The following EYS variants were observed in gnomAD, a reference collection of about 807,000 sequenced individuals.
The protein encoded by EYS is EGF-like photoreceptor maintenance factor.
Under a neutral mutation model 282.1 loss-of-function variants are expected in EYS, and 250 were observed. That is an observed-to-expected ratio of 0.89 (90% confidence interval 0.80 to 0.98). The LOEUF (loss-of-function observed/expected upper bound fraction) is 0.98, where lower values mean the gene tolerates loss of function less well. Ranked by LOEUF, EYS falls within the 50% of genes least tolerant of loss-of-function variation. EYS has a pLI of 0.00. For synonymous variants in EYS, 1,355 were observed against 1,282.9 expected (o/e 1.06, Z -1.20); for missense variants, 4,016 against 3,709.0 (o/e 1.08, Z -2.15).
At chr6:65,624,368 T>C (rs559802181) in intron 2 of EYS, among the ~76,000 whole-genome samples, 2 of 152,262 alleles carry the variant, frequency 1.3e-5, no homozygotes, top group East Asian at 3.9e-4. Flanking sequence ...GCAGAGGTGA[T>C]GAAGGGTATG....
At chr6:64,376,951 C>T (rs1378587521) in intron 29 of EYS, among the ~76,000 whole-genome samples, 2 of 151,950 alleles carry the variant, frequency 1.3e-5, no homozygotes, top group African/African-American at 4.8e-5. Flanking sequence ...AAACACTGAC[C>T]CTGAGAAGGC....
chr6:64,108,160 G>T (rs1421784103), intron 31 of EYS, among the ~76,000 whole-genome samples: 2 of 152,108 alleles, frequency 1.3e-5, no homozygotes, highest in Non-Finnish European at 2.9e-5. Flanking sequence ...GGGTTACTGA[G>T]GGGAAACTCA....
At chr6:65,524,878 A>G (rs1767498870) in intron 2 of EYS, among the ~76,000 whole-genome samples, 1 of 152,186 alleles carries the variant, frequency 6.6e-6, no homozygotes, top group Admixed American at 6.5e-5. Context: ...TTGCCATCAG[A>G]AAGCTGGCTG....
chr6:64,494,401 C>A (rs1439483147), intron 26 of EYS, among the ~76,000 whole-genome samples: 1 of 151,440 alleles, frequency 6.6e-6, no homozygotes, highest in African/African-American at 2.4e-5. Context: ...CCTGATTTTC[C>A]AGGCAAAATG....
intron 19 of EYS, among the ~76,000 whole-genome samples, chr6:64,869,112 T>C (rs1437141510): frequency 2.0e-5 from 3 of 151,634 alleles, no homozygotes; most frequent in South Asian, 4.1e-4. Context: ...TCATTTTATA[T>C]TTTATATGAA....
intron 12 of EYS, among the ~76,000 whole-genome samples, chr6:65,140,073 T>G (rs1331503608): frequency 6.6e-6 from 1 of 152,098 alleles, no homozygotes; most frequent in African/African-American, 2.4e-5. Flanking sequence ...TGACAGATTT[T>G]GTAATGATCT....
intron 22 of EYS, among the ~76,000 whole-genome samples, chr6:64,640,069 G>A (rs1025172838): frequency 1.4e-5 from 2 of 143,166 alleles, no homozygotes; most frequent in African/African-American, 5.2e-5. Flanking sequence ...GGAAACAACA[G>A]GTGCTAGAGA....
chr6:64,675,635 G>A (rs148190689), intron 22 of EYS, among the ~76,000 whole-genome samples: 2,253 of 151,570 alleles, frequency 0.015, 51 homozygotes, highest in African/African-American at 0.053. Context: ...TCACCATGTT[G>A]GCTAGGCTGA....
chr6:64,230,670 C>T lies in EYS; in HGVS notation c.6346G>A (p.Ala2116Thr). 1 of 1,551,574 alleles carries T rather than the reference C, an allele frequency of 6.4e-7. No homozygotes were observed. The highest frequency in any genetic ancestry group is 1.2e-5 in the South Asian group (1 of 84,054). ...DVCHNGGTCH[A>T]IFLSSGIVSF... Reference sequence around the variant, plus strand: ...ACTATGCCACTGGAGAGGAAGATGGCATGGCATGTGCCTCCATTGTGGCAT... The same window carrying T: ...ACTATGCCACTGGAGAGGAAGATGGTATGGCATGTGCCTCCATTGTGGCAT... The change falls in exon 31 of 43, where the codon GCC (alanine) becomes ACC (threonine). Residue 2116 changes from alanine to threonine, a missense_variant. By Grantham distance (58) the Ala-to-Thr change is moderately conservative. Coordinates refer to ENST00000503581, the MANE Select transcript of EYS (RefSeq NM_001142800.2).
At chr6:64,677,768 C>T (rs1051165370) in intron 22 of EYS, among the ~76,000 whole-genome samples, 3 of 152,042 alleles carry the variant, frequency 2.0e-5, no homozygotes, top group African/African-American at 7.2e-5. Context: ...CATTTTCATA[C>T]ATAACAAAAT....
chr6:65,051,907 T>C (rs936283897), intron 13 of EYS, among the ~76,000 whole-genome samples: 1 of 151,538 alleles, frequency 6.6e-6, no homozygotes, highest in African/African-American at 2.4e-5. Context: ...AATTTGAGTA[T>C]TGTGGTCTTT....
At chr6:64,118,536 C>T (rs1482146990) in intron 31 of EYS, among the ~76,000 whole-genome samples, 1 of 151,944 alleles carries the variant, frequency 6.6e-6, no homozygotes, top group Admixed American at 6.6e-5. Context: ...CAAAACTGAA[C>T]TCAAAATGGA....
chr6:64,270,100 T>C (rs1767891713), intron 30 of EYS, among the ~76,000 whole-genome samples: 1 of 152,132 alleles, frequency 6.6e-6, no homozygotes, highest in African/African-American at 2.4e-5. Flanking sequence ...GCAGCCTTAG[T>C]ATTTATCGTA....
intron 29 of EYS, among the ~76,000 whole-genome samples, chr6:64,334,292 C>G (rs1770759267): frequency 6.6e-6 from 1 of 152,080 alleles, no homozygotes; most frequent in South Asian, 2.1e-4. Flanking sequence ...TGGACAGGGG[C>G]ATGTGTATTA....
chr6:64,471,526 A>G (rs1347638918), intron 26 of EYS, among the ~76,000 whole-genome samples: 1 of 150,784 alleles, frequency 6.6e-6, no homozygotes, highest in African/African-American at 2.4e-5. Flanking sequence ...AAATTTAACA[A>G]AGGAGTTAAA....
chr6:64,289,553 C>T (rs973265), intron 30 of EYS, among the ~76,000 whole-genome samples: 108,798 of 151,858 alleles, frequency 0.72, 39,170 homozygotes, highest in African/African-American at 0.79. Context: ...TATAGTGGTA[C>T]AGTTTCTGAT....
At chr6:64,743,334 A>G (rs1772438381) in intron 22 of EYS, among the ~76,000 whole-genome samples, 1 of 152,148 alleles carries the variant, frequency 6.6e-6, no homozygotes, top group Non-Finnish European at 1.5e-5. Context: ...GGCCCAATCT[A>G]AAATGCCTTT....
chr6:65,504,835 G>A (rs1766597350), intron 2 of EYS, among the ~76,000 whole-genome samples: 1 of 151,512 alleles, frequency 6.6e-6, no homozygotes, highest in African/African-American at 2.4e-5. Context: ...AGAATGTTGT[G>A]TCTATGTTCA....
chr6:64,394,811 C>G (rs945973550), intron 28 of EYS, among the ~76,000 whole-genome samples: 31 of 152,170 alleles, frequency 2.0e-4, no homozygotes, highest in Middle Eastern at 3.4e-3. Flanking sequence ...AGCTTCTGCA[C>G]AGCAAAAGAA....
Sources: gnomAD v4.1 joint callset for allele counts (sites outside exome capture counted in the v4.1 genomes callset) on GRCh38, gnomAD v4.1.1 for gene constraint, MANE v1.5 for transcripts, NCBI Gene and HGNC (gene_info 2026-07-23, HGNC 2026-07-21) for gene names.